The following GPC5 variants were observed in gnomAD, a reference collection of about 807,000 sequenced individuals.
GPC5 encodes glypican-5.
A neutral mutation model predicts 53.9 loss-of-function variants in GPC5; 47 were observed. The observed-to-expected ratio is 0.87, with a 90% confidence interval of 0.69 to 1.11. GPC5 has a LOEUF of 1.11. GPC5 is among the 50% of genes most tolerant of loss of function. GPC5 has a pLI of 0.00. For missense variants in GPC5, 748 were observed against 713.1 expected, an observed-to-expected ratio of 1.05 and a Z score of -0.56; for synonymous variants, 286 against 263.3, an observed-to-expected ratio of 1.09 and a Z score of -0.84.
Position 92,219,994 on chromosome 13 carries a change from C to T in GPC5, c.1561+75005C>T, listed in dbSNP as rs111513902. Among the ~76,000 whole-genome samples, 1,196 of 152,162 alleles carry T rather than the reference C, an allele frequency of 7.9e-3. 10 individuals carry two copies. The highest frequency in any genetic ancestry group is 0.011 in the Admixed American group (171 of 15,262). On this transcript the variant is annotated intron_variant, in intron 7 of 7. Coordinates refer to ENST00000377067, the MANE Select transcript of GPC5 (RefSeq NM_004466.6). Reference sequence around the variant, plus strand: ...TCATTCTTTCCTTGCTTTGTTTGTGCTTTTTGTCCAATTCTTTGTTCAAGT... The same window carrying T: ...TCATTCTTTCCTTGCTTTGTTTGTGTTTTTTGTCCAATTCTTTGTTCAAGT...
intron 7 of GPC5, among the ~76,000 whole-genome samples, chr13:92,210,125 C>G (rs1207037161): frequency 6.6e-6 from 1 of 152,136 alleles, no homozygotes; most frequent in African/African-American, 2.4e-5. Flanking sequence ...CCTTTGGCAA[C>G]ACCCTCATAG....
At chr13:91,833,917 TAA>T (rs762418637) in intron 5 of GPC5, among the ~76,000 whole-genome samples, 65 of 151,924 alleles carry the variant, frequency 4.3e-4, no homozygotes, top group Non-Finnish European at 7.4e-4. Flanking sequence ...GAGAAAGAAA[TAA>T]AGTGTATTCA....
chr13:92,285,590 A>G (rs539714773), intron 7 of GPC5, among the ~76,000 whole-genome samples: 3 of 152,288 alleles, frequency 2.0e-5, no homozygotes, highest in East Asian at 1.9e-4. Flanking sequence ...AATACCACAC[A>G]TCTACAACCA....
chr13:92,730,201 C>T (rs947869181), intron 7 of GPC5, among the ~76,000 whole-genome samples: 1 of 151,322 alleles, frequency 6.6e-6, no homozygotes, highest in African/African-American at 2.4e-5. Context: ...TTTTAATAGA[C>T]TTCATTTTTA....
At chr13:92,792,612 G>C (rs1279941272) in intron 7 of GPC5, among the ~76,000 whole-genome samples, 1 of 152,074 alleles carries the variant, frequency 6.6e-6, no homozygotes, top group African/African-American at 2.4e-5. Context: ...GGATAGTCAA[G>C]ACCCATCAGT....
At chr13:92,590,241 C>T (rs1883671737) in intron 7 of GPC5, among the ~76,000 whole-genome samples, 1 of 152,056 alleles carries the variant, frequency 6.6e-6, no homozygotes, top group Non-Finnish European at 1.5e-5. Flanking sequence ...TAGGGGCATG[C>T]ATGAGGGCCA....
At chr13:92,078,508 T>C (rs186714857) in intron 6 of GPC5, among the ~76,000 whole-genome samples, 17 of 152,314 alleles carry the variant, frequency 1.1e-4, no homozygotes, top group Admixed American at 2.6e-4. Flanking sequence ...GAATAAATGC[T>C]ATGTAAGTGT....
chr13:92,527,083 T>C (rs1881309017), intron 7 of GPC5, among the ~76,000 whole-genome samples: 1 of 105,632 alleles, frequency 9.5e-6, no homozygotes, highest in African/African-American at 3.5e-5. Context: ...TCCCACAATA[T>C]GAGATTCTGT....
At chr13:92,845,551 G>A (rs1878585196) in intron 7 of GPC5, among the ~76,000 whole-genome samples, 1 of 152,056 alleles carries the variant, frequency 6.6e-6, no homozygotes, top group Admixed American at 6.6e-5. Context: ...TTATCTGGGG[G>A]CCCACCTACA....
At chr13:91,402,236 A>G (rs1877008548) in intron 1 of GPC5, among the ~76,000 whole-genome samples, 1 of 152,232 alleles carries the variant, frequency 6.6e-6, no homozygotes, top group Non-Finnish European at 1.5e-5. Flanking sequence ...ATCTATAGCA[A>G]GTATACTCTC....
chr13:91,939,564 C>T (rs2039905456), intron 6 of GPC5, among the ~76,000 whole-genome samples: 2 of 152,060 alleles, frequency 1.3e-5, no homozygotes, highest in Admixed American at 1.3e-4. Context: ...TATAGTTTTC[C>T]CAAGCATAGA....
chr13:92,000,309 A>G (rs933699551), intron 6 of GPC5, among the ~76,000 whole-genome samples: 1 of 152,152 alleles, frequency 6.6e-6, no homozygotes, highest in African/African-American at 2.4e-5. Context: ...GAAAATAGAA[A>G]CAAAAGATAT....
intron 4 of GPC5, among the ~76,000 whole-genome samples, chr13:91,755,453 T>C (rs2037269173): frequency 6.6e-6 from 1 of 152,076 alleles, no homozygotes. Context: ...TCCAAAACAA[T>C]TGTTTATGTC....
At chr13:92,721,660 T>C (rs2139287592) in intron 7 of GPC5, 1 of 152,192 alleles carries the variant, frequency 6.6e-6, no homozygotes, top group African/African-American at 2.4e-5. Flanking sequence ...GTGTAAGTGA[T>C]AGACTAGAGT....
chr13:91,552,786 T>G (rs2030721824), intron 2 of GPC5, among the ~76,000 whole-genome samples: 2 of 152,108 alleles, frequency 1.3e-5, no homozygotes, highest in Non-Finnish European at 2.9e-5. Context: ...AGGGCCATTA[T>G]GAACATGTTA....
rs181313459 is a variant in GPC5 at position 92,513,027 on chromosome 13, G to T, written c.1562-353255G>T. 3.9e-5 allele frequency among the ~76,000 whole-genome samples: 6 copies of T among 152,360 alleles called. No individual in the cohort carries two copies. The East Asian group carries it at 1.2e-3, about 29-fold the overall frequency. On this transcript the variant is annotated intron_variant, in intron 7 of 7. Coordinates refer to ENST00000377067, the MANE Select transcript of GPC5 (RefSeq NM_004466.6). ...CCTGGCAACTGTCCTCCATGCAGATGTGATGCTCAGCCGAGCAGCAGGGTC... is the reference window on the plus strand; with the variant it reads ...CCTGGCAACTGTCCTCCATGCAGATTTGATGCTCAGCCGAGCAGCAGGGTC...
At chr13:91,559,596 G>A (rs1038251788) in intron 2 of GPC5, among the ~76,000 whole-genome samples, 2 of 152,092 alleles carry the variant, frequency 1.3e-5, no homozygotes, top group African/African-American at 4.8e-5. Flanking sequence ...AATGAACTTG[G>A]AATGTGTACA....
At chr13:92,554,657 T>C (rs1033822461) in intron 7 of GPC5, among the ~76,000 whole-genome samples, 1 of 150,742 alleles carries the variant, frequency 6.6e-6, no homozygotes, top group African/African-American at 2.4e-5. Flanking sequence ...ATAAAGGAGA[T>C]GCTATTACTA....
chr13:91,410,068 G>T (rs1437978999), intron 1 of GPC5, among the ~76,000 whole-genome samples: 1 of 152,186 alleles, frequency 6.6e-6, no homozygotes, highest in Non-Finnish European at 1.5e-5. Flanking sequence ...AAATAGGTTA[G>T]TCTTCACTCC....
Sources: allele counts gnomAD v4.1 joint callset (sites outside exome capture counted in the v4.1 genomes callset), GRCh38; gene constraint gnomAD v4.1.1; transcripts MANE v1.5; gene names NCBI Gene and HGNC (gene_info 2026-07-23, HGNC 2026-07-21).